Variants in MORN1 observed in about 807,000 individuals in gnomAD.
MORN1 encodes the protein MORN repeat-containing protein 1.
In MORN1, 67 loss-of-function variants were observed where a neutral mutation model predicts 61.9. The ratio of observed to expected loss-of-function variants is 1.08; its 90% CI spans 0.89 to 1.33. The LOEUF is 1.33. Ranked by LOEUF, MORN1 falls within the 40% of genes most tolerant of loss-of-function variation. MORN1 has a pLI of 0.00. For missense variants in MORN1, 752 were observed against 691.2 expected, an observed-to-expected ratio of 1.09 and a Z score of -0.99; for synonymous variants, 301 against 292.0, an observed-to-expected ratio of 1.03 and a Z score of -0.31.
At chr1:2,349,832 C>T (rs1475188609) in intron 10 of MORN1, among the ~76,000 whole-genome samples, 1 of 152,082 alleles carries the variant, frequency 6.6e-6, no homozygotes, top group East Asian at 1.9e-4. Context: ...TTGTCCAACA[C>T]GTGTAAGAGA....
intron 6 of MORN1, among the ~76,000 whole-genome samples, chr1:2,380,864 G>GT (rs376375145): frequency 1.3e-5 from 2 of 152,328 alleles, no homozygotes; most frequent in African/African-American, 4.8e-5. Context: ...TCGACAAAAT[G>GT]TTTTTTAAAG....
intron 12 of MORN1, among the ~76,000 whole-genome samples, chr1:2,324,557 GGCGGAAGTCTCA>G (rs1406136561): frequency 6.6e-6 from 1 of 152,186 alleles, no homozygotes; most frequent in Non-Finnish European, 1.5e-5. Context: ...ACTTAGGAGC[GGCGGAAGTCTCA>G]GCAAGAGGGA....
In MORN1 at chr1:2,334,223, G is replaced by A. The variant is rs1455235904; in HGVS notation, c.1250+2246C>T. The stretch of plus-strand genomic sequence containing the variant: ...ACGCCCCGGTCAGCCACAGTTGAGG[G>A]CCTCTGGGTGGTGGGGGGGCAGCAG... On this transcript the variant is annotated intron_variant, in intron 12 of 13. Transcript: ENST00000378531. The surrounding 1 kb of genome is among the most constrained non-coding windows in gnomAD (Gnocchi z 5.4). Among the ~76,000 whole-genome samples, 2 of 152,064 alleles carry A rather than the reference G, an allele frequency of 1.3e-5. No individual in the cohort carries two copies. Among genetic ancestry groups the A allele is most frequent in the African/African-American group, 2.4e-5 (1 of 41,410 alleles).
At chr1:2,355,280 C>G in intron 10 of MORN1, 2 of 1,431,712 alleles carry the variant, frequency 1.4e-6, no homozygotes, top group Non-Finnish European at 1.8e-6. Context: ...GCGGGCCGGG[C>G]CCCCCGTGGG....
intron 8 of MORN1, among the ~76,000 whole-genome samples, chr1:2,361,298 C>G (rs138090544): frequency 7.6e-5 from 11 of 144,916 alleles, no homozygotes; most frequent in Non-Finnish European, 1.5e-4. Flanking sequence ...GACTCACACC[C>G]GTAATCCCAG....
chr1:2,336,404 C>A (rs1377576525), intron 12 of MORN1, 65 bp downstream of exon 12: 11 of 1,521,624 alleles, frequency 7.2e-6, no homozygotes, highest in Non-Finnish European at 2.7e-6. Flanking sequence ...GTCCTCCTGG[C>A]CCAGCTGATG....
At chr1:2,370,673 T>C (rs1279297196) in intron 8 of MORN1, among the ~76,000 whole-genome samples, 13 of 106,768 alleles carry the variant, frequency 1.2e-4, no homozygotes, top group African/African-American at 4.6e-4. Context: ...TTTTTTTTCT[T>C]CTTTTTTTTT....
At chr1:2,346,810 T>G (rs754950791) in intron 10 of MORN1, among the ~76,000 whole-genome samples, 1 of 152,128 alleles carries the variant, frequency 6.6e-6, no homozygotes, top group Non-Finnish European at 1.5e-5. Flanking sequence ...CCGGTCCGAG[T>G]ACCGAGGCTC....
chr1:2,323,713 C>T (rs1203125676), intron 13 of MORN1: 7 of 985,238 alleles, frequency 7.1e-6, no homozygotes, highest in Non-Finnish European at 8.4e-6. Flanking sequence ...GCCCTGCAGC[C>T]GGCCTTGCTG....
chr1:2,350,144 TA>T (rs1301535355), intron 10 of MORN1, among the ~76,000 whole-genome samples: 2 of 152,206 alleles, frequency 1.3e-5, no homozygotes, highest in African/African-American at 4.8e-5. Flanking sequence ...TACAAAAGGT[TA>T]AGAGACTAAA....
At chr1:2,347,867 G>T (rs1429880417) in intron 10 of MORN1, among the ~76,000 whole-genome samples, 1 of 152,228 alleles carries the variant, frequency 6.6e-6, no homozygotes, top group African/African-American at 2.4e-5. Flanking sequence ...GTCACAGGTA[G>T]AGTACAAAGA....
chr1:2,323,492 C>G (rs1640928995), intron 13 of MORN1: 2 of 985,422 alleles, frequency 2.0e-6, no homozygotes, highest in Non-Finnish European at 2.4e-6. Context: ...TGCTAGGGGT[C>G]CGAGCCTTTG....
rs371819792 is a variant in MORN1, at chr1:2,385,826, G to A, written c.430C>T (p.Pro144Ser). The change falls in exon 5 of 14, where the codon CCT (proline) becomes TCT (serine). Residue 144 changes from proline to serine, a missense_variant. Pro to Ser is a moderately conservative substitution (Grantham distance 74). Coordinates refer to ENST00000378531, the MANE Select transcript of MORN1 (RefSeq NM_024848.3). ...GSFHDNKRHG[P>S]GQMLFQNGDK... ...ACTCACTGAAAGAGCATCTGCCCAGGGCCGTGCCTCTTGTTGTCATGGAAG... is the reference window on the plus strand; with the variant it reads ...ACTCACTGAAAGAGCATCTGCCCAGAGCCGTGCCTCTTGTTGTCATGGAAG... 5 of 1,613,868 alleles carry A rather than the reference G, an allele frequency of 3.1e-6. No individual in the cohort carries two copies. Among genetic ancestry groups the A allele is most frequent in the Non-Finnish European group, 4.2e-6 (5 of 1,179,968 alleles).
rs764052051 is a variant in MORN1 at position 2,387,337 on chromosome 1, G to C, written c.358+82C>G. On this transcript the variant is annotated intron_variant, in intron 4 of 13. Transcript: ENST00000378531. ...TGAAGTCAGGCAGGCCCTCTCAGAG[G>C]TTCCTGAACCCAAGTGGACGTAGGA... is the stretch of plus-strand genomic sequence containing the variant. The C allele has an allele frequency of 1.6e-4, 168 of 1,031,310 alleles. 1 individual carries two copies. Among genetic ancestry groups the C allele is most frequent in the Admixed American group, 8.0e-4 (47 of 58,988 alleles). 63.9% of individuals were successfully genotyped at this position (1,031,310 alleles called of 1,614,324 possible). A position where few individuals can be genotyped will look rare whatever the true frequency, so the allele number is the denominator to read the frequency against.
At chr1:2,354,779 T>A (rs1641723202) in intron 10 of MORN1, among the ~76,000 whole-genome samples, 1 of 152,180 alleles carries the variant, frequency 6.6e-6, no homozygotes, top group African/African-American at 2.4e-5. Context: ...CAGAGAGGTT[T>A]AGCTTCACAT....
chr1:2,326,803 C>G (rs935317948), intron 12 of MORN1: 2 of 152,450 alleles, frequency 1.3e-5, no homozygotes, highest in East Asian at 1.9e-4. Context: ...TCCTGACTTT[C>G]GGAGGCCTGG....
chr1:2,390,439 G>A, intron 1 of MORN1: 1 of 985,332 alleles, frequency 1.0e-6, no homozygotes, highest in Non-Finnish European at 1.2e-6. Context: ...GCCTCCTATC[G>A]CTGGGGAGAA....
chr1:2,332,635 C>G (rs1157959452), intron 12 of MORN1: 1 of 456,558 alleles, frequency 2.2e-6, no homozygotes, highest in Non-Finnish European at 4.4e-6. Flanking sequence ...GGCGTCTGGA[C>G]ATGGAAGGGG....
chr1:2,388,828 G>A (rs1324405173), intron 2 of MORN1, among the ~76,000 whole-genome samples: 2 of 149,634 alleles, frequency 1.3e-5, no homozygotes, highest in Admixed American at 1.3e-4. Context: ...ACTAGGCAGA[G>A]TGGCTGGGCG....
Sources: gnomAD v4.1 joint callset for allele counts (sites outside exome capture counted in the v4.1 genomes callset) on GRCh38, gnomAD v4.1.1 for gene constraint, Gnocchi (gnomAD v3.1) non-coding constraint, MANE v1.5 for transcripts, NCBI Gene and HGNC (gene_info 2026-07-23, HGNC 2026-07-21) for gene names.